Variants in AFF4 observed in about 807,000 individuals in gnomAD.
The protein encoded by AFF4 is ALF transcription elongation factor 4, also known as AF4/FMR2 family member 4.
In AFF4, 13 loss-of-function variants were observed where a neutral mutation model predicts 124.8. The ratio of observed to expected loss-of-function variants is 0.10; its 90% confidence interval spans 0.07 to 0.17. The LOEUF (loss-of-function observed/expected upper bound fraction) is 0.17. Ranked by LOEUF, AFF4 falls within the 10% of genes least tolerant of loss-of-function variation. The probability of loss-of-function intolerance (pLI) is 1.00; values close to 1 mark genes in which losing one functional copy is unlikely to be tolerated. For synonymous variants in AFF4, 477 were observed against 496.1 expected, an observed-to-expected ratio of 0.96 and a Z score of 0.51; for missense variants, 1,092 against 1,403.8, an observed-to-expected ratio of 0.78 and a Z score of 3.55.
intron 4 of AFF4, among the ~76,000 whole-genome samples, chr5:132,930,721 T>C (rs1024218382): frequency 1.3e-5 from 2 of 152,106 alleles, no homozygotes; most frequent in African/African-American, 4.8e-5. Flanking sequence ...AAAGTAGTCA[T>C]TGTCATTCAC....
intron 8 of AFF4, 55 bp downstream of exon 8, chr5:132,899,532 A>G: frequency 2.1e-6 from 3 of 1,404,314 alleles, no homozygotes; most frequent in Non-Finnish European, 2.9e-6. Context: ...CATTTTTATA[A>G]AATACAATGA....
chr5:132,890,876 A>C (rs995075042), intron 13 of AFF4, among the ~76,000 whole-genome samples: 1 of 152,128 alleles, frequency 6.6e-6, no homozygotes, highest in Non-Finnish European at 1.5e-5. Flanking sequence ...TGCTTTCAAG[A>C]AGCTGACGAA....
At position 132,888,075 on chromosome 5, in the gene AFF4, T is replaced by C. The variant is rs371142906; in HGVS notation, c.2796+22A>G. 7.5e-6 allele frequency: 12 copies of C among 1,608,588 alleles called. No individual in the cohort carries two copies. In the African/African-American group the frequency reaches 1.3e-4, roughly 18 times the overall value. On this transcript the variant is annotated intron_variant, in intron 15 of 20. Coordinates refer to ENST00000265343, the MANE Select transcript of AFF4 (RefSeq NM_014423.4). ...AAGTTAATTTGATTAAATACGTAAGTGTAAGGAGAATATCTACATACCAAT... is the reference window on the plus strand; with the variant it reads ...AAGTTAATTTGATTAAATACGTAAGCGTAAGGAGAATATCTACATACCAAT...
Position 132,892,282 on chromosome 5 carries a change from G to T in AFF4, c.2519C>A (p.Ser840Tyr). ...SRKRTISQSS[S>Y]LKSSSNSNKE... ...GTTGCTGTTACTGCTTGACTTTAAG[G>T]AAGAAGACTGACTAATAGTCCTCTT... The change falls in exon 13 of 21, where the codon TCC becomes TAC. Residue 840 changes from serine (S) to tyrosine (Y), a missense_variant. Coordinates refer to ENST00000265343, the MANE Select transcript of AFF4 (RefSeq NM_014423.4). 6.2e-7 allele frequency: 1 copy of T among 1,614,054 alleles called. No homozygotes were observed. The highest frequency in any genetic ancestry group is 8.5e-7 in the Non-Finnish European group (1 of 1,180,034).
intron 11 of AFF4, among the ~76,000 whole-genome samples, chr5:132,896,089 C>G (rs563914002): frequency 1.3e-5 from 2 of 152,368 alleles, no homozygotes; most frequent in South Asian, 4.1e-4. Context: ...TGCTGAAAAG[C>G]ACTGACTCAT....
chr5:132,906,571 G>C (rs941157172), intron 5 of AFF4, among the ~76,000 whole-genome samples: 10 of 152,182 alleles, frequency 6.6e-5, no homozygotes, highest in South Asian at 6.2e-4. Flanking sequence ...GAGATCTATA[G>C]AGATAGAGTA....
At chr5:132,935,879 T>C (rs1761416470) in intron 2 of AFF4, among the ~76,000 whole-genome samples, 1 of 149,646 alleles carries the variant, frequency 6.7e-6, no homozygotes, top group Non-Finnish European at 1.5e-5. Context: ...GCCGAGATCA[T>C]GACATGGCAC....
chr5:132,892,665 T>C (rs551013791), intron 12 of AFF4, among the ~76,000 whole-genome samples: 5 of 152,258 alleles, frequency 3.3e-5, no homozygotes, highest in African/African-American at 4.8e-5. Context: ...GGCTGAATGA[T>C]TGAACAAATT....
At chr5:132,930,221 TG>T in intron 4 of AFF4, among the ~76,000 whole-genome samples, 1 of 152,154 alleles carries the variant, frequency 6.6e-6, no homozygotes, top group Admixed American at 6.5e-5. Context: ...ACTAAATAGC[TG>T]TCTAAGAGAT....
In AFF4 at chr5:132,935,781, G is replaced by A. The variant is rs191007048; in HGVS notation, c.124-840C>T. Among the ~76,000 whole-genome samples, 131 of 150,528 alleles carry A rather than the reference G, an allele frequency of 8.7e-4. 1 individual carries two copies. Among genetic ancestry groups the A allele is most frequent in the African/African-American group, 2.8e-3 (115 of 41,012 alleles). On this transcript the variant is annotated intron_variant, in intron 2 of 20. Coordinates refer to ENST00000265343, the MANE Select transcript of AFF4 (RefSeq NM_014423.4). ...CCGAAAAAAAAAAAAAAACTAGCCC[G>A]GCAAGGTGGTGCACGCCTGTAATCC...
chr5:132,880,831 C>T lies in AFF4; in HGVS notation c.*228G>A. On this transcript the variant is annotated 3_prime_UTR_variant, in exon 21 of 21. Coordinates refer to ENST00000265343, the MANE Select transcript of AFF4 (RefSeq NM_014423.4). ...TCATAGCTCACGGAAACCATCTTATCAATGTGCTGCAGATTTAAAAGCATT... is the reference window on the plus strand; with the variant it reads ...TCATAGCTCACGGAAACCATCTTATTAATGTGCTGCAGATTTAAAAGCATT... The T allele has an allele frequency of 2.6e-6, 1 of 386,092 alleles. No homozygotes were observed. The highest frequency in any genetic ancestry group is 4.5e-6 in the Non-Finnish European group (1 of 222,020). The allele number at this position is 386,092 out of a possible 1,614,324, so 23.9% of individuals were successfully genotyped here.
chr5:132,922,463 T>C (rs541429961), intron 5 of AFF4, among the ~76,000 whole-genome samples: 1 of 152,022 alleles, frequency 6.6e-6, no homozygotes, highest in African/African-American at 2.4e-5. Flanking sequence ...TATACACAAA[T>C]ATTCACATCA....
At chr5:132,908,165 T>C (rs1760712303) in intron 5 of AFF4, among the ~76,000 whole-genome samples, 1 of 152,092 alleles carries the variant, frequency 6.6e-6, no homozygotes, top group Non-Finnish European at 1.5e-5. Flanking sequence ...TTTTTCCATT[T>C]GTATCTCCAA....
intron 6 of AFF4, among the ~76,000 whole-genome samples, chr5:132,903,506 T>G (rs1183201005): frequency 5.3e-5 from 8 of 152,096 alleles, no homozygotes; most frequent in Non-Finnish European, 1.0e-4. Context: ...GCCCAGACAT[T>G]TGCATTGGTT....
At chr5:132,955,250 C>T (rs1392605373) in intron 1 of AFF4, among the ~76,000 whole-genome samples, 2 of 151,926 alleles carry the variant, frequency 1.3e-5, no homozygotes, top group Non-Finnish European at 2.9e-5. Context: ...GGTGGAGGGG[C>T]GTGGTGGGCC....
chr5:132,918,204 C>A (rs1483835888), intron 5 of AFF4, among the ~76,000 whole-genome samples: 1 of 146,120 alleles, frequency 6.8e-6, no homozygotes, highest in South Asian at 2.2e-4. Flanking sequence ...ACTATCCTGG[C>A]CAACATGGTG....
At chr5:132,893,755 G>A (rs1294836113) in intron 11 of AFF4, among the ~76,000 whole-genome samples, 2 of 152,126 alleles carry the variant, frequency 1.3e-5, no homozygotes, top group African/African-American at 4.8e-5. Flanking sequence ...TGGGATTACA[G>A]GTGTGAGCCA....
At chr5:132,917,269 T>A (rs1760934507) in intron 5 of AFF4, among the ~76,000 whole-genome samples, 1 of 151,376 alleles carries the variant, frequency 6.6e-6, no homozygotes, top group South Asian at 2.1e-4. Context: ...AACAGGAAAA[T>A]CTTATGATCA....
At chr5:132,882,543 A>G (rs1355021506) in intron 20 of AFF4, among the ~76,000 whole-genome samples, 1 of 152,134 alleles carries the variant, frequency 6.6e-6, no homozygotes, top group African/African-American at 2.4e-5. Flanking sequence ...AAAGCCTCAA[A>G]CAACCTAATT....
Sources: gnomAD v4.1 joint callset for allele counts (sites outside exome capture counted in the v4.1 genomes callset) on GRCh38, gnomAD v4.1.1 for gene constraint, MANE v1.5 for transcripts, NCBI Gene and HGNC (gene_info 2026-07-23, HGNC 2026-07-21) for gene names.